The following ST7L variants were observed in gnomAD, a reference collection of about 807,000 sequenced individuals.
The protein encoded by ST7L is suppressor of tumorigenicity 7 protein-like.
In ST7L, 57 loss-of-function variants were observed where a neutral mutation model predicts 72.5. The ratio of observed to expected loss-of-function variants is 0.79; its 90% CI spans 0.64 to 0.98. ST7L has a LOEUF of 0.98. ST7L is among the 50% of genes least tolerant of loss of function. The pLI, the probability that ST7L is intolerant of heterozygous loss-of-function variation, is 0.00. For missense variants in ST7L, 576 were observed against 672.2 expected, an observed-to-expected ratio of 0.86 and a Z score of 1.58; for synonymous variants, 221 against 240.9, an observed-to-expected ratio of 0.92 and a Z score of 0.77.
At position 112,619,098 on chromosome 1, in the gene ST7L, C is replaced by T. The variant is rs763465036; in HGVS notation, c.16G>A (p.Gly6Ser). 1 of 1,613,426 alleles carries T rather than the reference C, an allele frequency of 6.2e-7. No homozygotes were observed. The highest frequency in any genetic ancestry group is 8.5e-7 in the Non-Finnish European group (1 of 1,179,898). Reference sequence around the variant, plus strand: ...CCAACAGCTGCGGCTTCACCCACGCCGCCACGGTCCGCCATCTTGCCGCTA... The same window carrying T: ...CCAACAGCTGCGGCTTCACCCACGCTGCCACGGTCCGCCATCTTGCCGCTA... MADRGGVGEAAAVGAS... is the reference protein window; with the variant it reads MADRGSVGEAAAVGAS... Residue 6 changes from glycine to serine, a missense_variant, in exon 1 of 15, where the codon GGC becomes AGC. Transcript: ENST00000358039.
intron 3 of ST7L, among the ~76,000 whole-genome samples, chr1:112,606,738 G>C (rs184309261): frequency 6.6e-6 from 1 of 152,216 alleles, no homozygotes; most frequent in Non-Finnish European, 1.5e-5. Context: ...CCAAGATCAA[G>C]GTACTAGAAT....
At chr1:112,565,206 G>C (rs921360527) in intron 11 of ST7L, among the ~76,000 whole-genome samples, 1 of 134,320 alleles carries the variant, frequency 7.4e-6, no homozygotes, top group Admixed American at 7.5e-5. Context: ...CACCATGTTC[G>C]GCTAATTTTT....
At chr1:112,542,917 A>AG (rs1227723450) in intron 13 of ST7L, among the ~76,000 whole-genome samples, 1 of 151,900 alleles carries the variant, frequency 6.6e-6, no homozygotes, top group African/African-American at 2.4e-5. Context: ...CTTGTGCCTT[A>AG]GCCTCCCAAG....
At chr1:112,561,535 C>CAATG (rs1209232172) in intron 11 of ST7L, among the ~76,000 whole-genome samples, 1 of 151,898 alleles carries the variant, frequency 6.6e-6, no homozygotes, top group Non-Finnish European at 1.5e-5. Context: ...GACTGGAGTG[C>CAATG]AATGGCGTGA....
intron 3 of ST7L, 36 bp downstream of exon 3, chr1:112,610,804 AT>A: frequency 6.2e-7 from 1 of 1,605,780 alleles, no homozygotes; most frequent in Non-Finnish European, 8.5e-7. Flanking sequence ...TCAATCTTAA[AT>A]ACACAGCTCT....
At chr1:112,543,929 T>C (rs560345271) in intron 13 of ST7L, among the ~76,000 whole-genome samples, 6 of 146,274 alleles carry the variant, frequency 4.1e-5, no homozygotes, top group African/African-American at 7.6e-5. Context: ...ATTCTGACCA[T>C]AAATAAAGTC....
chr1:112,611,969 CAAAAA>C (rs146893029), intron 2 of ST7L, among the ~76,000 whole-genome samples: 8 of 71,552 alleles, frequency 1.1e-4, no homozygotes, highest in South Asian at 5.6e-4. Context: ...GACCCTGTCT[CAAAAA>C]AAAAAAAAAA....
intron 14 of ST7L, among the ~76,000 whole-genome samples, chr1:112,535,388 T>C (rs1171882090): frequency 1.4e-5 from 2 of 147,990 alleles, no homozygotes; most frequent in South Asian, 2.2e-4. Context: ...ATAATACTAA[T>C]AATAATAAGA....
chr1:112,608,043 G>A (rs911898322), intron 3 of ST7L, among the ~76,000 whole-genome samples: 1 of 152,082 alleles, frequency 6.6e-6, no homozygotes, highest in African/African-American at 2.4e-5. Context: ...CCCTTGGAGA[G>A]AGGGTCTTGC....
At chr1:112,571,124 C>G (rs1327626967) in intron 11 of ST7L, 1 of 352,420 alleles carries the variant, frequency 2.8e-6, no homozygotes, top group Non-Finnish European at 5.5e-6. Context: ...GAGCCGAGAT[C>G]AGCCCACTGC....
chr1:112,541,974 T>C lies in ST7L; in HGVS notation c.1606A>G (p.Ile536Val), dbSNP rs1277862906. 1.2e-6 allele frequency: 2 copies of C among 1,613,736 alleles called. No individual in the cohort carries two copies. Among genetic ancestry groups the C allele is most frequent in the East Asian group, 4.5e-5 (2 of 44,848 alleles). Residue 536 changes from isoleucine to valine, a missense_variant, in exon 14 of 15, where the codon ATC (isoleucine) becomes GTC (valine). By Grantham distance (29) the Ile-to-Val change is conservative. This residue lies in a region of ST7L where 511 missense variants were observed against 600.7 expected (regional missense o/e 0.85). Coordinates refer to ENST00000358039, the MANE Select transcript of ST7L (RefSeq NM_017744.5). ...IAILTHQFPE[I>V]MGIFAKAVLG... ...ACAGCTTTAGCAAAAATACCCATGATTTCAGGAAACTGGTGAGTGAGAATG... is the reference window on the plus strand; with the variant it reads ...ACAGCTTTAGCAAAAATACCCATGACTTCAGGAAACTGGTGAGTGAGAATG...
intron 14 of ST7L, among the ~76,000 whole-genome samples, chr1:112,534,620 C>T (rs192014101): frequency 1.2e-3 from 188 of 152,250 alleles, no homozygotes; most frequent in African/African-American, 4.3e-3. Flanking sequence ...AAGCTAAAAA[C>T]TATTCCTCAA....
intron 14 of ST7L, among the ~76,000 whole-genome samples, chr1:112,532,151 C>G (rs1038020164): frequency 8.5e-5 from 13 of 152,320 alleles, no homozygotes; most frequent in African/African-American, 2.6e-4. Flanking sequence ...AAACATCCAG[C>G]TGAATTTTAT....
chr1:112,595,397 A>T (rs12741057), intron 5 of ST7L, among the ~76,000 whole-genome samples: 1 of 146,046 alleles, frequency 6.8e-6, no homozygotes, highest in Non-Finnish European at 1.5e-5. Flanking sequence ...AAAAAAAAAA[A>T]GAGCATTTGT....
chr1:112,594,718 A>T (rs1251202750), intron 5 of ST7L, among the ~76,000 whole-genome samples: 2 of 152,188 alleles, frequency 1.3e-5, no homozygotes, highest in South Asian at 4.1e-4. Context: ...TAAATTGAAA[A>T]ATGAAGTCAG....
intron 14 of ST7L, chr1:112,541,640 G>T (rs1228774382): frequency 5.9e-6 from 2 of 339,934 alleles, no homozygotes; most frequent in African/African-American, 4.3e-5. Flanking sequence ...TACAAAATAG[G>T]GTATTTTTAA....
rs778183250 is a variant in ST7L at position 112,584,018 on chromosome 1, C to T, written c.810G>A (p.Gln270=). The T allele has an allele frequency of 1.2e-4, 195 of 1,614,040 alleles. No individual in the cohort carries two copies. The Admixed American group carries it at 3.2e-3, about 27-fold the overall frequency. Residue 270 remains glutamine (Q), a synonymous_variant, in exon 7 of 15, where the codon CAG becomes CAA. Coordinates refer to ENST00000358039, the MANE Select transcript of ST7L (RefSeq NM_017744.5). ...ALKAGETIYR[Q]SQQCQHQSPQ... ...GACTTTGGTGCTGGCACTGCTGTGA[C>T]TGCCTATAAATTGTTTCTCCTGCCT...
chr1:112,591,601 T>C lies in ST7L; in HGVS notation c.625A>G (p.Met209Val), dbSNP rs1268508050. The C allele has an allele frequency of 1.2e-6, 2 of 1,605,546 alleles. No homozygotes were observed. The highest frequency in any genetic ancestry group is 1.7e-5 in the Admixed American group (1 of 58,082). Residue 209 changes from methionine (M) to valine (V), a missense_variant and splice_region_variant, in exon 6 of 15, where the codon ATG becomes GTG. Physicochemically the swap from Met to Val is conservative, Grantham distance 21. Around this residue, in one of 3 missense-constraint regions of ST7L, gnomAD observed 511 missense variants for 600.7 expected, o/e 0.85. Transcript: ENST00000358039. ...TDFLRPSDTV[M>V]QKAWRERNPP... ...TTTCTTTCCCTCCAAGCCTTCTGCA[T>C]AACTGTAGAAAAAAATTCCATAAAA...
At chr1:112,561,138 A>AT (rs1660053612) in intron 11 of ST7L, among the ~76,000 whole-genome samples, 1 of 152,102 alleles carries the variant, frequency 6.6e-6, no homozygotes, top group Admixed American at 6.6e-5. Context: ...TCTAAGAAGA[A>AT]TATAAAAGAT....
Sources: allele counts gnomAD v4.1 joint callset (sites outside exome capture counted in the v4.1 genomes callset), GRCh38; gene constraint gnomAD v4.1.1; regional missense constraint gnomAD v4.1.1; transcripts MANE v1.5; gene names NCBI Gene and HGNC (gene_info 2026-07-23, HGNC 2026-07-21).